The following HCN4 variants were observed in gnomAD, a reference collection of about 807,000 sequenced individuals.
HCN4 encodes the protein potassium/sodium hyperpolarization-activated cyclic nucleotide-gated channel 4.
Under a neutral mutation model 76.9 loss-of-function variants are expected in HCN4, and 29 were observed. That is an observed-to-expected ratio of 0.38 (90% CI 0.28 to 0.51). The LOEUF is 0.51. HCN4 is among the 20% of genes least tolerant of loss of function. The pLI is 0.90. For missense variants in HCN4, 1,416 were observed against 1,715.2 expected (o/e 0.83, Z 3.08); for synonymous variants, 772 against 762.5 (o/e 1.01, Z -0.21).
intron 1 of HCN4, among the ~76,000 whole-genome samples, chr15:73,352,574 G>A (rs559688237): frequency 3.3e-5 from 5 of 152,190 alleles, no homozygotes; most frequent in African/African-American, 4.8e-5. Flanking sequence ...AGAGCTGGTC[G>A]GGGGACCTTG....
At chr15:73,356,423 G>A (rs1468801111) in intron 1 of HCN4, among the ~76,000 whole-genome samples, 1 of 140,450 alleles carries the variant, frequency 7.1e-6, no homozygotes, top group East Asian at 2.1e-4. Flanking sequence ...ATGTTGCCCA[G>A]GCTGGTCTTT....
In HCN4 at chr15:73,322,491, G is replaced by A. The variant is rs1364108972; in HGVS notation, c.3602C>T (p.Ser1201Phe). The A allele has an allele frequency of 1.3e-6, 2 of 1,593,742 alleles. No homozygotes were observed. Among genetic ancestry groups the A allele is most frequent in the East Asian group, 4.5e-5 (2 of 43,988 alleles). Reference sequence around the variant, plus strand: ...AAGGAAGGGCCCAGCTCATAGATTGGATGGCAGTTTGGAGCGCACTGGCTC... The same window carrying A: ...AAGGAAGGGCCCAGCTCATAGATTGAATGGCAGTTTGGAGCGCACTGGCTC... Reference protein sequence around the residue: ...RPEPVRSKLPSNL With the variant: ...RPEPVRSKLPFNL Residue 1201 changes from serine to phenylalanine, a missense_variant, in exon 8 of 8, where the codon TCC (serine) becomes TTC (phenylalanine). Ser to Phe is a radical substitution (Grantham distance 155). Coordinates refer to ENST00000261917, the MANE Select transcript of HCN4 (RefSeq NM_005477.3).
Position 73,323,071 on chromosome 15 carries a change from C to A in HCN4, c.3022G>T (p.Ala1008Ser), listed in dbSNP as rs2042872718. The A allele has an allele frequency of 6.4e-7, 1 of 1,557,136 alleles. No individual in the cohort carries two copies. The highest frequency in any genetic ancestry group is 1.4e-5 in the African/African-American group (1 of 73,134). The change falls in exon 8 of 8, where the codon GCA (alanine) becomes TCA (serine). Residue 1008 changes from alanine (A) to serine (S), a missense_variant. Physicochemically the swap from Ala to Ser is moderately conservative, Grantham distance 99 (BLOSUM62 1). Transcript: ENST00000261917. ...PRQPEPPSLV[A>S]GASGGASPVG... ...GGGGAAGCCCCCCCAGAGGCCCCTGCCACAAGGGACGGCGGCTCAGGCTGC... is the reference window on the plus strand; with the variant it reads ...GGGGAAGCCCCCCCAGAGGCCCCTGACACAAGGGACGGCGGCTCAGGCTGC...
At chr15:73,342,858 G>A (rs1304004611) in intron 2 of HCN4, among the ~76,000 whole-genome samples, 1 of 152,176 alleles carries the variant, frequency 6.6e-6, no homozygotes, top group Non-Finnish European at 1.5e-5. Flanking sequence ...ACAAAAATTA[G>A]CTGGAGCTGC....
rs1183396329 is a variant in HCN4, at chr15:73,329,799, C to G, written c.1372-8G>C. Reference sequence around the variant, plus strand: ...CTTCCCCCAGGAGTTGTTCTGTGGACAGACGGATGGGTGGGGACAGTGGAT... The same window carrying G: ...CTTCCCCCAGGAGTTGTTCTGTGGAGAGACGGATGGGTGGGGACAGTGGAT... On this transcript the variant is annotated splice_polypyrimidine_tract_variant and splice_region_variant and intron_variant, in intron 3 of 7. Coordinates refer to ENST00000261917, the MANE Select transcript of HCN4 (RefSeq NM_005477.3). 1.2e-6 allele frequency: 2 copies of G among 1,610,356 alleles called. No individual in the cohort carries two copies. The highest frequency in any genetic ancestry group is 8.5e-7 in the Non-Finnish European group (1 of 1,177,586).
At position 73,329,690 on chromosome 15, in the gene HCN4, G is replaced by A. The variant is rs773250829; in HGVS notation, c.1473C>T (p.Asp491=). 9.3e-6 allele frequency: 15 copies of A among 1,614,074 alleles called. No individual in the cohort carries two copies. Among genetic ancestry groups the A allele is most frequent in the African/African-American group, 1.3e-5 (1 of 74,940 alleles). Residue 491 remains aspartate, a synonymous_variant, in exon 4 of 8, where the codon GAC becomes GAT. Transcript: ENST00000261917. ...YGRQAPVGMS[D]VWLTMLSMIV... Reference sequence around the variant, plus strand: ...TCATGCTGAGCATGGTGAGCCAGACGTCGGACATGCCCACGGGCGCCTGCC... The same window carrying A: ...TCATGCTGAGCATGGTGAGCCAGACATCGGACATGCCCACGGGCGCCTGCC...
intron 4 of HCN4, among the ~76,000 whole-genome samples, chr15:73,329,186 G>A (rs1412621301): frequency 6.6e-6 from 1 of 152,132 alleles, no homozygotes; most frequent in Non-Finnish European, 1.5e-5. Context: ...TGGGGGCAGG[G>A]GACTGGCCAG....
Position 73,323,489 on chromosome 15 carries a change from G to T in HCN4, c.2604C>A (p.Pro868=), listed in dbSNP as rs138773305. The T allele has an allele frequency of 5.6e-6, 9 of 1,603,940 alleles. No homozygotes were observed. Among genetic ancestry groups the T allele is most frequent in the Non-Finnish European group, 7.6e-6 (9 of 1,179,766 alleles). ...HIQQLAGFSA[P]AGLSPLLPSS... ...AGGGCAGGAGTGGGCTCAGTCCAGCGGGGGCAGAGAATCCAGCCAGCTGTT... is the reference window on the plus strand; with the variant it reads ...AGGGCAGGAGTGGGCTCAGTCCAGCTGGGGCAGAGAATCCAGCCAGCTGTT... Residue 868 remains proline, a synonymous_variant, in exon 8 of 8, where the codon CCC becomes CCA. Transcript: ENST00000261917.
At chr15:73,338,216 C>T (rs529235252) in intron 2 of HCN4, among the ~76,000 whole-genome samples, 4 of 152,286 alleles carry the variant, frequency 2.6e-5, no homozygotes, top group Admixed American at 6.5e-5. Flanking sequence ...CACAGGCCAC[C>T]GGAGAGTCAG....
chr15:73,358,279 C>T lies in HCN4; in HGVS notation c.785+9207G>A, dbSNP rs149846956. On this transcript the variant is annotated intron_variant, in intron 1 of 7. Transcript: ENST00000261917. ...TTCTAAAAGGTGCTAATGGCATGAA[C>T]GGGACCTGTGGACCTGAGGGTCTTT... Among the ~76,000 whole-genome samples, 185 of 152,286 alleles carry T rather than the reference C, an allele frequency of 1.2e-3. 1 individual carries two copies. Among genetic ancestry groups the T allele is most frequent in the African/African-American group, 4.3e-3 (179 of 41,552 alleles).
Position 73,350,225 on chromosome 15 carries a change from T to C in HCN4, c.786-6417A>G, listed in dbSNP as rs116708808. The stretch of plus-strand genomic sequence containing the variant: ...CAACCACCCTTCACCCCAGACACGA[T>C]GGTCCAGCTCATTCGCCTCTCTAAA... On this transcript the variant is annotated intron_variant, in intron 1 of 7. Transcript: ENST00000261917. Among the ~76,000 whole-genome samples the C allele has an allele frequency of 1.6e-3, 242 of 152,284 alleles. 1 individual carries two copies. The highest frequency in any genetic ancestry group is 5.4e-3 in the African/African-American group (226 of 41,562).
At position 73,320,628 on chromosome 15, in the gene HCN4, A is replaced by G. The variant is rs2042851532; in HGVS notation, c.*1853T>C. 1 of 152,184 alleles carries G rather than the reference A, an allele frequency of 6.6e-6. No individual in the cohort carries two copies. The highest frequency in any genetic ancestry group is 1.5e-5 in the Non-Finnish European group (1 of 68,050). 9.4% of individuals were successfully genotyped at this position (152,184 alleles called of 1,614,324 possible). ...TCTGAGCTGCTTTCTCGTTCCCGCA[A>G]TCTGGAACCTGCTTATGGCTCCTAG... is the stretch of plus-strand genomic sequence containing the variant. On this transcript the variant is annotated 3_prime_UTR_variant, in exon 8 of 8. Coordinates refer to ENST00000261917, the MANE Select transcript of HCN4 (RefSeq NM_005477.3).
At chr15:73,331,836 G>A (rs2042934915) in intron 3 of HCN4, among the ~76,000 whole-genome samples, 1 of 152,142 alleles carries the variant, frequency 6.6e-6, no homozygotes, top group East Asian at 1.9e-4. Flanking sequence ...GGGGGAGGCC[G>A]CCCAGGTCTT....
Position 73,368,354 on chromosome 15 carries a change from C to T in HCN4, c.-84G>A, listed in dbSNP as rs1009392293. Reference sequence around the variant, plus strand: ...CTCCAGGTCCGCCCGCCGGTCAGTCCGCCCGTGGGGACGCGTCCTTTGCCG... The same window carrying T: ...CTCCAGGTCCGCCCGCCGGTCAGTCTGCCCGTGGGGACGCGTCCTTTGCCG... On this transcript the variant is annotated 5_prime_UTR_variant, in exon 1 of 8. Transcript: ENST00000261917. This position sits in a 1 kb window ranked among gnomAD's most constrained non-coding sequence, Gnocchi z 6.9. 1.2e-4 allele frequency: 125 copies of T among 1,018,116 alleles called. 1 individual carries two copies. In the African/African-American group the frequency reaches 1.8e-3, roughly 15 times the overall value. The allele number at this position is 1,018,116 out of a possible 1,614,324, so 63.1% of individuals were successfully genotyped here.
Position 73,324,158 on chromosome 15 carries a change from C to A in HCN4, c.2074G>T (p.Val692Leu). The A allele has an allele frequency of 6.2e-7, 1 of 1,614,094 alleles. No individual in the cohort carries two copies. Among genetic ancestry groups the A allele is most frequent in the Non-Finnish European group, 8.5e-7 (1 of 1,180,012 alleles). ...CGCATCATGGGGTACTCCTCCAGCA[C>A]CTCATTGAAGTTGTCCACGCTCAGC... Reference protein sequence around the residue: ...YSLSVDNFNEVLEEYPMMRRA... With the variant: ...YSLSVDNFNELLEEYPMMRRA... Residue 692 changes from valine to leucine, a missense_variant, in exon 7 of 8, where the codon GTG becomes TTG. This residue lies in a region of HCN4 where 241 missense variants were observed against 379.4 expected (regional missense o/e 0.64). Transcript: ENST00000261917.
intron 2 of HCN4, among the ~76,000 whole-genome samples, chr15:73,334,444 C>T (rs375574421): frequency 1.2e-4 from 19 of 152,144 alleles, no homozygotes; most frequent in South Asian, 4.2e-4. Flanking sequence ...CAGCACCAGC[C>T]GGGGGGAAGA....
intron 3 of HCN4, among the ~76,000 whole-genome samples, chr15:73,331,012 G>A (rs139728421): frequency 6.6e-6 from 1 of 152,274 alleles, no homozygotes; most frequent in Non-Finnish European, 1.5e-5. Flanking sequence ...ATGCCTCAGG[G>A]TCTCTTTCAC....
At chr15:73,331,351 G>T (rs1338629543) in intron 3 of HCN4, among the ~76,000 whole-genome samples, 2 of 152,228 alleles carry the variant, frequency 1.3e-5, no homozygotes, top group African/African-American at 4.8e-5. Context: ...ATGTTGGCGA[G>T]TGGGGGCAGC....
chr15:73,330,718 G>C (rs2042927710), intron 3 of HCN4, among the ~76,000 whole-genome samples: 1 of 152,228 alleles, frequency 6.6e-6, no homozygotes, highest in Non-Finnish European at 1.5e-5. Flanking sequence ...AGGCGCAGGA[G>C]CCCGTGAGCT....
Sources: allele counts gnomAD v4.1 joint callset (sites outside exome capture counted in the v4.1 genomes callset), GRCh38; gene constraint gnomAD v4.1.1; regional missense constraint gnomAD v4.1.1; non-coding constraint Gnocchi (gnomAD v3.1); transcripts MANE v1.5; gene names NCBI Gene and HGNC (gene_info 2026-07-23, HGNC 2026-07-21).